Variants in ERMP1 observed in about 807,000 individuals in gnomAD.
ERMP1 encodes Felix-ina.
In ERMP1, 86 loss-of-function variants were observed where a neutral mutation model predicts 92.0. The observed-to-expected ratio is 0.93, with a 90% CI of 0.79 to 1.12. The LOEUF (loss-of-function observed/expected upper bound fraction) is 1.12, where lower values mean the gene tolerates loss of function less well. Ranked by LOEUF, ERMP1 falls within the 50% of genes most tolerant of loss-of-function variation. The probability of loss-of-function intolerance (pLI) is 0.00; values close to 1 mark genes in which losing one functional copy is unlikely to be tolerated. For missense variants in ERMP1, 1,342 were observed against 1,116.3 expected, an observed-to-expected ratio of 1.20 and a Z score of -2.88; for synonymous variants, 530 against 412.8, an observed-to-expected ratio of 1.28 and a Z score of -3.44.
At chr9:5,821,490 G>T (rs1234147521) in intron 4 of ERMP1, among the ~76,000 whole-genome samples, 1 of 152,140 alleles carries the variant, frequency 6.6e-6, no homozygotes, top group Admixed American at 6.5e-5. Context: ...AAGGACTCTG[G>T]GCTGCCCAGG....
intron 10 of ERMP1, among the ~76,000 whole-genome samples, chr9:5,804,154 T>A (rs1212064624): frequency 6.6e-6 from 1 of 152,164 alleles, no homozygotes; most frequent in Non-Finnish European, 1.5e-5. Context: ...TCATAGCTCC[T>A]TTTCCTGTTT....
Position 5,785,889 on chromosome 9 carries a change from T to C in ERMP1, c.*1255A>G, listed in dbSNP as rs1586755526. 6.6e-6 allele frequency: 1 copy of C among 152,244 alleles called. No homozygotes were observed. Among genetic ancestry groups the C allele is most frequent in the Non-Finnish European group, 1.5e-5 (1 of 68,052 alleles). 9.4% of individuals were successfully genotyped at this position (152,244 alleles called of 1,614,324 possible). ...AAAAGAAAGCTTGCACAGTTTACCA[T>C]TGATCTCACCAATGCCCTCACTGCT... On this transcript the variant is annotated 3_prime_UTR_variant, in exon 15 of 15. Transcript: ENST00000339450.
Position 5,831,140 on chromosome 9 carries a change from T to C in ERMP1, c.339-112A>G, listed in dbSNP as rs1385537218. 12 of 731,084 alleles carry C rather than the reference T, an allele frequency of 1.6e-5. No individual in the cohort carries two copies. The East Asian group carries it at 1.8e-4, about 11-fold the overall frequency. 45.3% of individuals were successfully genotyped at this position (731,084 alleles called of 1,614,324 possible). A position where few individuals can be genotyped will look rare whatever the true frequency, so the allele number is the denominator to read the frequency against. ...CCCAAAAAAGCTTAGTTCTTTGCCTTATATAAAAGGGACCGCCTTTCATTA... is the reference window on the plus strand; with the variant it reads ...CCCAAAAAAGCTTAGTTCTTTGCCTCATATAAAAGGGACCGCCTTTCATTA... On this transcript the variant is annotated intron_variant, in intron 1 of 14. Transcript: ENST00000339450.
At chr9:5,811,455 T>C (rs1563759778) in intron 6 of ERMP1, 132 bp from the exon 7 acceptor site, 1 of 691,502 alleles carries the variant, frequency 1.4e-6, no homozygotes, top group Non-Finnish European at 2.3e-6. Context: ...AAGAAATGGT[T>C]AGAAAGAATG....
At chr9:5,796,438 T>G (rs185851090) in intron 13 of ERMP1, among the ~76,000 whole-genome samples, 7 of 152,342 alleles carry the variant, frequency 4.6e-5, no homozygotes, top group Admixed American at 4.6e-4. Context: ...ATCACACTCC[T>G]AAGCATTTAC....
chr9:5,865,125 T>C (rs1247967248), intron 5 of ERMP1, among the ~76,000 whole-genome samples: 4 of 123,010 alleles, frequency 3.3e-5, no homozygotes, highest in African/African-American at 5.9e-5. Context: ...CATCAGGACA[T>C]AGGAAAATGT....
chr9:5,800,923 C>T (rs1381599628), intron 11 of ERMP1, among the ~76,000 whole-genome samples: 1 of 152,150 alleles, frequency 6.6e-6, no homozygotes, highest in Non-Finnish European at 1.5e-5. Context: ...CAAATAGATG[C>T]AGTTTTATAA....
At chr9:5,842,414 C>T (rs551213359) in intron 6 of ERMP1, among the ~76,000 whole-genome samples, 2 of 122,710 alleles carry the variant, frequency 1.6e-5, no homozygotes, top group South Asian at 5.0e-4. Context: ...GCCTGGGTGA[C>T]AGGCAGAACG....
chr9:5,831,399 A>G (rs990018207), intron 1 of ERMP1, among the ~76,000 whole-genome samples: 17 of 152,144 alleles, frequency 1.1e-4, no homozygotes, highest in African/African-American at 3.9e-4. Flanking sequence ...TGAGCTCAGG[A>G]GTTTGAGACC....
intron 4 of ERMP1, among the ~76,000 whole-genome samples, chr9:5,822,129 G>A (rs538559814): frequency 6.6e-6 from 1 of 152,234 alleles, no homozygotes; most frequent in South Asian, 2.1e-4. Context: ...GTATATGCCT[G>A]TAGTCCCAGC....
intron 6 of ERMP1, among the ~76,000 whole-genome samples, chr9:5,845,143 GTT>G (rs113368038): frequency 0.076 from 1,436 of 18,916 alleles, 7 homozygotes; most frequent in East Asian, 0.28. Context: ...AACTTTCAGT[GTT>G]TTTTTTTTTT....
At chr9:5,818,778 G>C (rs1829417856) in intron 4 of ERMP1, among the ~76,000 whole-genome samples, 1 of 151,926 alleles carries the variant, frequency 6.6e-6, no homozygotes, top group South Asian at 2.1e-4. Flanking sequence ...TATTTCTGCA[G>C]GTTAAATTCC....
intron 8 of ERMP1, among the ~76,000 whole-genome samples, chr9:5,808,967 G>A (rs1027616464): frequency 2.6e-5 from 4 of 152,076 alleles, no homozygotes; most frequent in Admixed American, 6.6e-5. Context: ...CGATCCGCCT[G>A]CCCAGCCTCC....
In ERMP1 at chr9:5,832,852, C is replaced by T. The variant is rs1004269145; in HGVS notation, c.176G>A (p.Gly59Asp). The T allele has an allele frequency of 7.3e-6, 11 of 1,508,086 alleles. No homozygotes were observed. In the Middle Eastern group the frequency reaches 7.6e-4, roughly 104 times the overall value. The allele number at this position is 1,508,086 out of a possible 1,614,324, so 93.4% of individuals were successfully genotyped here. A position where few individuals can be genotyped will look rare whatever the true frequency, so the allele number is the denominator to read the frequency against. Residue 59 changes from glycine to aspartate, a missense_variant, in exon 1 of 15, where the codon GGC becomes GAC. By Grantham distance (94) the Gly-to-Asp change is moderately conservative. Coordinates refer to ENST00000339450, the MANE Select transcript of ERMP1 (RefSeq NM_024896.3). Reference sequence around the variant, plus strand: ...CCCGGTCCCCGCGCCCCTGCTCGCGCCGCCGCTACCCCCGGGGCTCCTCTT... The same window carrying T: ...CCCGGTCCCCGCGCCCCTGCTCGCGTCGCCGCTACCCCCGGGGCTCCTCTT... ...TRKRSPGGSG[G>D]ASRGAGTGLS...
In ERMP1 at chr9:5,787,687, C is replaced by A; in HGVS notation, c.2387-94G>T. ...AACCAGACTTCATAAAGGTTCATGC[C>A]TGCATGACTTTAAATATACTTACTA... On this transcript the variant is annotated intron_variant, in intron 13 of 14. Coordinates refer to ENST00000339450, the MANE Select transcript of ERMP1 (RefSeq NM_024896.3). 4.0e-6 allele frequency: 5 copies of A among 1,255,238 alleles called. 1 individual carries two copies. The highest frequency in any genetic ancestry group is 2.9e-5 in the South Asian group (2 of 68,518). 77.8% of individuals were successfully genotyped at this position (1,255,238 alleles called of 1,614,324 possible).
chr9:5,846,829 G>C (rs1171760183), intron 6 of ERMP1, among the ~76,000 whole-genome samples: 2 of 152,140 alleles, frequency 1.3e-5, no homozygotes, highest in Non-Finnish European at 2.9e-5. Flanking sequence ...CGTTCTATTT[G>C]AGTTATATCA....
chr9:5,854,817 A>G (rs1429098237), intron 6 of ERMP1, among the ~76,000 whole-genome samples: 1 of 152,142 alleles, frequency 6.6e-6, no homozygotes, highest in Non-Finnish European at 1.5e-5. Context: ...GTGAGCCACC[A>G]CACCCGGCCT....
intron 3 of ERMP1, among the ~76,000 whole-genome samples, chr9:5,824,435 G>A (rs976748041): frequency 2.6e-5 from 4 of 152,066 alleles, no homozygotes; most frequent in Non-Finnish European, 5.9e-5. Flanking sequence ...TTGAAACAGA[G>A]CCTGTGGCCC....
At chr9:5,835,884 T>C (rs1830091273), upstream of ERMP1, among the ~76,000 whole-genome samples, 1 of 152,254 alleles carries the variant, frequency 6.6e-6, no homozygotes, top group South Asian at 2.1e-4. Flanking sequence ...ATAATTTTAT[T>C]TGTGTTAAAA....
Sources: allele counts gnomAD v4.1 joint callset (sites outside exome capture counted in the v4.1 genomes callset), GRCh38; gene constraint gnomAD v4.1.1; transcripts MANE v1.5; gene names NCBI Gene and HGNC (gene_info 2026-07-23, HGNC 2026-07-21).